The following PDZRN4 variants were observed in gnomAD, a reference collection of about 807,000 sequenced individuals.
PDZRN4 encodes PDZ domain-containing RING finger protein 4.
A neutral mutation model predicts 99.0 loss-of-function variants in PDZRN4; 70 were observed. The ratio of observed to expected loss-of-function variants is 0.71; its 90% confidence interval spans 0.58 to 0.86. The LOEUF (loss-of-function observed/expected upper bound fraction) is 0.86, where lower values mean the gene tolerates loss of function less well. PDZRN4 is among the 40% of genes least tolerant of loss of function. PDZRN4 has a pLI of 0.00. For missense variants in PDZRN4, 1,474 were observed against 1,331.2 expected, an observed-to-expected ratio of 1.11 and a Z score of -1.67; for synonymous variants, 551 against 501.6, an observed-to-expected ratio of 1.10 and a Z score of -1.32.
chr12:41,331,917 G>A (rs565148580), intron 3 of PDZRN4, among the ~76,000 whole-genome samples: 18 of 152,232 alleles, frequency 1.2e-4, no homozygotes, highest in African/African-American at 4.1e-4. Context: ...GGACACAGCC[G>A]AATCTATCTG....
At position 41,406,858 on chromosome 12, in the gene PDZRN4, C is replaced by CAA. The variant is rs758320141; in HGVS notation, c.844-99577_844-99576dup. Among the ~76,000 whole-genome samples, 242 of 45,306 alleles carry CAA rather than the reference C, an allele frequency of 5.3e-3. 2 individuals carry two copies. Among genetic ancestry groups the CAA allele is most frequent in the East Asian group, 6.9e-3 (9 of 1,310 alleles). The allele number at this position is 45,306 out of a possible 152,430, so 29.7% of individuals were successfully genotyped here. The stretch of plus-strand genomic sequence containing the variant: ...GGGCAACAAGAGTGAAACTCCGTCT[C>CAA]AAAAAAAAAAAAAAAAAAAAAAGAC... On this transcript the variant is annotated intron_variant, in intron 3 of 9. Transcript: ENST00000402685.
At chr12:41,378,814 C>T (rs117333842) in intron 3 of PDZRN4, among the ~76,000 whole-genome samples, 240 of 152,250 alleles carry the variant, frequency 1.6e-3, no homozygotes, top group Admixed American at 3.7e-3. Flanking sequence ...TGAGCCACAG[C>T]GCCCAGCCTC....
intron 3 of PDZRN4, among the ~76,000 whole-genome samples, chr12:41,196,694 A>G (rs1431103): frequency 0.7 from 106,146 of 151,886 alleles, 37,321 homozygotes; most frequent in South Asian, 0.76. Context: ...GATGCTTATC[A>G]TTATTTTAGT....
intron 3 of PDZRN4, among the ~76,000 whole-genome samples, chr12:41,251,723 C>G (rs1209956507): frequency 6.6e-6 from 1 of 152,148 alleles, no homozygotes; most frequent in Non-Finnish European, 1.5e-5. Context: ...TCCCCTCTTA[C>G]CTGAGTCATT....
chr12:41,371,608 G>A (rs933870262), intron 3 of PDZRN4, among the ~76,000 whole-genome samples: 1 of 152,126 alleles, frequency 6.6e-6, no homozygotes, highest in Non-Finnish European at 1.5e-5. Flanking sequence ...GTAACTGCCT[G>A]AGCTATCATG....
intron 5 of PDZRN4, among the ~76,000 whole-genome samples, chr12:41,534,285 C>CT (rs11437867): frequency 0.59 from 87,987 of 150,310 alleles, 28,284 homozygotes; most frequent in African/African-American, 0.89. Context: ...CTCTTTTTAA[C>CT]TTTTTTTTTT....
chr12:41,416,070 G>T (rs564593171), intron 3 of PDZRN4, among the ~76,000 whole-genome samples: 1 of 152,092 alleles, frequency 6.6e-6, no homozygotes, highest in Non-Finnish European at 1.5e-5. Flanking sequence ...TTTCCTCTGA[G>T]ATTGACAAAT....
At chr12:41,566,910 G>A (rs550320929) in intron 8 of PDZRN4, among the ~76,000 whole-genome samples, 2 of 152,236 alleles carry the variant, frequency 1.3e-5, no homozygotes, top group South Asian at 2.1e-4. Flanking sequence ...AATCCACTTT[G>A]AGGCAAATTA....
At chr12:41,409,032 T>C (rs1265707807) in intron 3 of PDZRN4, among the ~76,000 whole-genome samples, 2 of 152,164 alleles carry the variant, frequency 1.3e-5, no homozygotes, top group Non-Finnish European at 2.9e-5. Flanking sequence ...GGCAAAACTA[T>C]TACTGTTATG....
chr12:41,256,376 T>C (rs922317274), intron 3 of PDZRN4, among the ~76,000 whole-genome samples: 6 of 151,956 alleles, frequency 3.9e-5, no homozygotes, highest in Non-Finnish European at 8.8e-5. Context: ...AATTAAGAAG[T>C]GTGGCAAAAA....
At chr12:41,212,125 CA>C (rs1405358664) in intron 3 of PDZRN4, among the ~76,000 whole-genome samples, 2 of 151,944 alleles carry the variant, frequency 1.3e-5, no homozygotes, top group Non-Finnish European at 2.9e-5. Context: ...TATACCAGTA[CA>C]TGTTCCAAAA....
chr12:41,567,060 T>C (rs991089838), intron 8 of PDZRN4, among the ~76,000 whole-genome samples: 8 of 152,180 alleles, frequency 5.3e-5, no homozygotes, highest in Non-Finnish European at 8.8e-5. Flanking sequence ...AATACTTGTT[T>C]TCAACACCCA....
At position 41,572,675 on chromosome 12, in the gene PDZRN4, G is replaced by T; in HGVS notation, c.1896G>T (p.Glu632Asp). ...EDCERFRQLL[E>D]LKCKIRNHGE... ...GTGAAAGATTCAGGCAGCTCTTGGA[G>T]CTCAAATGCAAGATTCGAAATCATG... Residue 632 changes from glutamate to aspartate, a missense_variant, in exon 10 of 10, where the codon GAG becomes GAT. Coordinates refer to ENST00000402685, the MANE Select transcript of PDZRN4 (RefSeq NM_001164595.2). 1.2e-6 allele frequency: 2 copies of T among 1,614,138 alleles called. No homozygotes were observed. Among genetic ancestry groups the T allele is most frequent in the Non-Finnish European group, 1.7e-6 (2 of 1,180,010 alleles).
chr12:41,488,712 T>C (rs1210674620), intron 3 of PDZRN4, among the ~76,000 whole-genome samples: 1 of 152,204 alleles, frequency 6.6e-6, no homozygotes, highest in Admixed American at 6.5e-5. Flanking sequence ...TTAAGTAATA[T>C]TCCTTGCTAT....
chr12:41,266,077 C>T (rs1591990585), intron 3 of PDZRN4, among the ~76,000 whole-genome samples: 1 of 11,630 alleles, frequency 8.6e-5, no homozygotes, highest in African/African-American at 2.1e-4. Context: ...TTTGGGAGGC[C>T]GAGGCGGGCG....
At chr12:41,491,373 T>C (rs770039174) in intron 3 of PDZRN4, among the ~76,000 whole-genome samples, 18 of 151,916 alleles carry the variant, frequency 1.2e-4, no homozygotes, top group East Asian at 3.9e-4. Flanking sequence ...ATACAAAAAA[T>C]TGGACTGGTG....
chr12:41,226,790 C>A (rs1950998101), intron 3 of PDZRN4, among the ~76,000 whole-genome samples: 1 of 152,130 alleles, frequency 6.6e-6, no homozygotes, highest in South Asian at 2.1e-4. Flanking sequence ...CTGTTAAGCC[C>A]TAAAGAAAAT....
intron 3 of PDZRN4, among the ~76,000 whole-genome samples, chr12:41,299,315 G>A (rs7979212): frequency 0.061 from 9,308 of 151,764 alleles, 823 homozygotes; most frequent in African/African-American, 0.2. Flanking sequence ...ATTAAGCCTT[G>A]GTCTGGACAC....
At chr12:41,375,245 G>C (rs1170810644) in intron 3 of PDZRN4, among the ~76,000 whole-genome samples, 2 of 152,140 alleles carry the variant, frequency 1.3e-5, no homozygotes, top group Non-Finnish European at 2.9e-5. Context: ...AACTATACAA[G>C]ATAGTGTGAA....
Sources: allele counts gnomAD v4.1 joint callset (sites outside exome capture counted in the v4.1 genomes callset), GRCh38; gene constraint gnomAD v4.1.1; transcripts MANE v1.5; gene names NCBI Gene and HGNC (gene_info 2026-07-23, HGNC 2026-07-21).